The following ATP13A3 variants were observed in gnomAD, a reference collection of about 807,000 sequenced individuals.
ATP13A3 encodes the protein polyamine-transporting ATPase 13A3.
ATP13A3 carries 59 observed loss-of-function variants against 158.1 expected under a neutral mutation model. The ratio of observed to expected loss-of-function variants is 0.37; its 90% CI spans 0.30 to 0.46. The LOEUF (loss-of-function observed/expected upper bound fraction) is 0.46. Ranked by LOEUF, ATP13A3 falls within the 20% of genes least tolerant of loss-of-function variation. The probability of loss-of-function intolerance (pLI) is 1.00; values close to 1 mark genes in which losing one functional copy is unlikely to be tolerated. For synonymous variants in ATP13A3, 491 were observed against 504.3 expected (o/e 0.97, Z 0.35); for missense variants, 1,166 against 1,525.2 (o/e 0.76, Z 3.92).
chr3:194,433,627 G>T (rs1717408862), intron 21 of ATP13A3, 145 bp downstream of exon 21: 1 of 1,015,806 alleles, frequency 9.8e-7, no homozygotes, highest in African/African-American at 1.6e-5. Context: ...TTGCGCTTGG[G>T]AAAATATTCA....
At position 194,459,853 on chromosome 3, in the gene ATP13A3, A is replaced by G. The variant is rs781206365; in HGVS notation, c.344T>C (p.Ile115Thr). The G allele has an allele frequency of 1.2e-6, 2 of 1,613,626 alleles. No individual in the cohort carries two copies. Among genetic ancestry groups the G allele is most frequent in the South Asian group, 2.2e-5 (2 of 91,066 alleles). ...KLSNGHAVCL[I>T]ENPTEENRHR... ...CCTATTTTCTTCAGTGGGATTCTCAATTAAACAAACTGCATGGCCATTTGA... is the reference window on the plus strand; with the variant it reads ...CCTATTTTCTTCAGTGGGATTCTCAGTTAAACAAACTGCATGGCCATTTGA... Residue 115 changes from isoleucine to threonine, a missense_variant, in exon 5 of 34, where the codon ATT becomes ACT. Coordinates refer to ENST00000645319, the MANE Select transcript of ATP13A3 (RefSeq NM_001367549.1).
intron 15 of ATP13A3, among the ~76,000 whole-genome samples, chr3:194,442,742 C>A (rs1346667399): frequency 6.6e-6 from 1 of 152,018 alleles, no homozygotes; most frequent in Non-Finnish European, 1.5e-5. Context: ...CAAGAAGCAT[C>A]ATGAATCCTG....
intron 21 of ATP13A3, 45 bp from the exon 22 acceptor site, chr3:194,431,937 C>A: frequency 6.9e-7 from 1 of 1,439,992 alleles, no homozygotes; most frequent in Non-Finnish European, 9.3e-7. Context: ...AAAATGGAAA[C>A]GTGAACGTAT....
chr3:194,454,637 C>T (rs1057348566), intron 8 of ATP13A3, among the ~76,000 whole-genome samples: 16 of 151,012 alleles, frequency 1.1e-4, no homozygotes, highest in Admixed American at 4.0e-4. Context: ...AACATCCTGG[C>T]TAACACGGTG....
At chr3:194,426,802 C>T (rs760077341) in intron 29 of ATP13A3, among the ~76,000 whole-genome samples, 56 of 152,090 alleles carry the variant, frequency 3.7e-4, no homozygotes, top group African/African-American at 1.3e-3. Flanking sequence ...GCTGGGATTA[C>T]AGAAAGGCAC....
chr3:194,452,180 A>G (rs891158089), intron 10 of ATP13A3: 6 of 151,704 alleles, frequency 4.0e-5, no homozygotes, highest in Non-Finnish European at 7.4e-5. Flanking sequence ...CAAGGTTGAC[A>G]CTGTTTCTAC....
At chr3:194,467,370 C>T (rs571696635) in intron 2 of ATP13A3, among the ~76,000 whole-genome samples, 41 of 152,352 alleles carry the variant, frequency 2.7e-4, no homozygotes, top group Non-Finnish European at 3.4e-4. Flanking sequence ...AGGCAGTTCA[C>T]TGCCTATAGC....
chr3:194,483,293 A>G (rs1008925362), intron 2 of ATP13A3, among the ~76,000 whole-genome samples: 2 of 150,228 alleles, frequency 1.3e-5, no homozygotes, highest in Middle Eastern at 3.2e-3. Flanking sequence ...CTGGGGGGAA[A>G]AAAAAAGAAA....
At chr3:194,485,583 C>T (rs1451730459) in intron 2 of ATP13A3, among the ~76,000 whole-genome samples, 1 of 152,176 alleles carries the variant, frequency 6.6e-6, no homozygotes, top group Non-Finnish European at 1.5e-5. Flanking sequence ...TTCTTAGATT[C>T]CTTAAATTCT....
At chr3:194,423,963 T>C (rs569181617) in intron 30 of ATP13A3, among the ~76,000 whole-genome samples, 116 of 152,162 alleles carry the variant, frequency 7.6e-4, no homozygotes, top group African/African-American at 2.8e-3. Context: ...GCAATGTTTT[T>C]TCCTAGATGT....
At chr3:194,471,121 T>C (rs1720280093) in intron 2 of ATP13A3, among the ~76,000 whole-genome samples, 1 of 152,098 alleles carries the variant, frequency 6.6e-6, no homozygotes, top group Non-Finnish European at 1.5e-5. Context: ...TCTAAACTTG[T>C]AGGAACCTTT....
In ATP13A3 at chr3:194,447,954, A is replaced by T. The variant is rs762752631; in HGVS notation, c.1206T>A (p.Thr402=). The T allele has an allele frequency of 3.1e-6, 5 of 1,611,370 alleles. No homozygotes were observed. Among genetic ancestry groups the T allele is most frequent in the Non-Finnish European group, 4.2e-6 (5 of 1,177,562 alleles). ...AGGCATCTCTGTAGAGTTTAAAATC[A>T]GTTGGTTTGGGATACAATATGGAAC... The part of the protein sequence containing the change: ...LVRSILYPKP[T]DFKLYRDAYL... The change falls in exon 13 of 34, where the codon ACT becomes ACA. Residue 402 remains threonine (T), a synonymous_variant. Transcript: ENST00000645319.
At position 194,455,877 on chromosome 3, in the gene ATP13A3, CA is replaced by C; in HGVS notation, c.630+15del. 1 of 1,424,376 alleles carries C rather than the reference CA, an allele frequency of 7.0e-7. No homozygotes were observed. Among genetic ancestry groups the C allele is most frequent in the Non-Finnish European group, 9.7e-7 (1 of 1,032,806 alleles). 88.2% of individuals were successfully genotyped at this position (1,424,376 alleles called of 1,614,324 possible). ...TTGATCATGACTGTTAAGTTATATA[CA>C]ATCAATAGTCTTACCTCTTTAATTA... is the stretch of plus-strand genomic sequence containing the variant. On this transcript the variant is annotated intron_variant, in intron 8 of 33. Coordinates refer to ENST00000645319, the MANE Select transcript of ATP13A3 (RefSeq NM_001367549.1).
chr3:194,433,064 C>T (rs1414686621), intron 21 of ATP13A3, among the ~76,000 whole-genome samples: 1 of 151,840 alleles, frequency 6.6e-6, no homozygotes, highest in Non-Finnish European at 1.5e-5. Context: ...TGCAAAGGAC[C>T]CCAACATGAG....
chr3:194,455,018 T>C (rs1719121685), intron 8 of ATP13A3, among the ~76,000 whole-genome samples: 1 of 152,234 alleles, frequency 6.6e-6, no homozygotes, highest in South Asian at 2.1e-4. Flanking sequence ...GGCAATAAAG[T>C]ACATTTATTT....
intron 11 of ATP13A3, among the ~76,000 whole-genome samples, chr3:194,449,495 C>T (rs140917053): frequency 2.0e-5 from 3 of 152,130 alleles, no homozygotes; most frequent in African/African-American, 7.2e-5. Flanking sequence ...GCCTGGCCAA[C>T]GTGGTGAAGC....
intron 16 of ATP13A3, among the ~76,000 whole-genome samples, chr3:194,440,150 A>G (rs1401995600): frequency 2.6e-5 from 4 of 152,216 alleles, no homozygotes; most frequent in Non-Finnish European, 5.9e-5. Flanking sequence ...AAGGGATTTC[A>G]AATATGGAAA....
chr3:194,413,936 T>C (rs2108737564), intron 31 of ATP13A3, 97 bp from the exon 32 acceptor site: 3 of 1,001,588 alleles, frequency 3.0e-6, no homozygotes, highest in East Asian at 4.8e-5. Context: ...TCCTATGATG[T>C]ACCAAACACC....
At chr3:194,452,946 A>C (rs944904229) in intron 10 of ATP13A3, 1 of 152,200 alleles carries the variant, frequency 6.6e-6, no homozygotes, top group African/African-American at 2.4e-5. Flanking sequence ...TAGAAGAAAA[A>C]TACAATTTTA....
Sources: allele counts gnomAD v4.1 joint callset (sites outside exome capture counted in the v4.1 genomes callset), GRCh38; gene constraint gnomAD v4.1.1; transcripts MANE v1.5; gene names NCBI Gene and HGNC (gene_info 2026-07-23, HGNC 2026-07-21).